Variants in GPC6 observed in about 807,000 individuals in gnomAD.
The protein encoded by GPC6 is glypican-6.
Under a neutral mutation model 55.2 loss-of-function variants are expected in GPC6, and 14 were observed. That is an observed-to-expected ratio of 0.25 (90% confidence interval 0.17 to 0.40). The LOEUF (loss-of-function observed/expected upper bound fraction) is 0.40, where lower values mean the gene tolerates loss of function less well. GPC6 is among the 10% of genes least tolerant of loss of function. The pLI is 1.00. For missense variants in GPC6, 641 were observed against 708.5 expected (o/e 0.90, Z 1.08); for synonymous variants, 278 against 259.6 (o/e 1.07, Z -0.68).
At chr13:93,415,589 T>G (rs1179595499) in intron 1 of GPC6, among the ~76,000 whole-genome samples, 1 of 152,162 alleles carries the variant, frequency 6.6e-6, no homozygotes, top group East Asian at 1.9e-4. Context: ...TTTCAGGTGT[T>G]TGATACAAAT....
intron 4 of GPC6, among the ~76,000 whole-genome samples, chr13:94,061,458 A>C (rs988224737): frequency 6.6e-6 from 1 of 152,184 alleles, no homozygotes; most frequent in East Asian, 1.9e-4. Flanking sequence ...TGGAAGCCAG[A>C]GTTGTGGCTG....
intron 2 of GPC6, among the ~76,000 whole-genome samples, chr13:93,757,658 T>C (rs1413906801): frequency 6.6e-6 from 1 of 152,166 alleles, no homozygotes; most frequent in African/African-American, 2.4e-5. Context: ...AATAATTCCA[T>C]GTCAAATGCT....
intron 2 of GPC6, among the ~76,000 whole-genome samples, chr13:93,733,153 A>G (rs1361481613): frequency 6.6e-6 from 1 of 152,084 alleles, no homozygotes; most frequent in Non-Finnish European, 1.5e-5. Context: ...ATATTTGCTA[A>G]TGGAGGAAAT....
intron 1 of GPC6, among the ~76,000 whole-genome samples, chr13:93,292,691 TA>T (rs1400685812): frequency 6.6e-6 from 1 of 152,202 alleles, no homozygotes; most frequent in Non-Finnish European, 1.5e-5. Context: ...CCTTAGTGAT[TA>T]AAATACACAA....
intron 2 of GPC6, among the ~76,000 whole-genome samples, chr13:93,548,948 A>G (rs1874976145): frequency 6.6e-6 from 1 of 152,066 alleles, no homozygotes; most frequent in Non-Finnish European, 1.5e-5. Flanking sequence ...CTGACAAGGT[A>G]TTTGTTGTTT....
At chr13:94,080,114 C>G (rs1235106255) in intron 4 of GPC6, among the ~76,000 whole-genome samples, 1 of 152,070 alleles carries the variant, frequency 6.6e-6, no homozygotes, top group Non-Finnish European at 1.5e-5. Flanking sequence ...GAAAAGAAAA[C>G]CAGAGACCAG....
At chr13:94,224,185 T>C (rs1477393704) in intron 4 of GPC6, among the ~76,000 whole-genome samples, 1 of 151,636 alleles carries the variant, frequency 6.6e-6, no homozygotes, top group South Asian at 2.1e-4. Flanking sequence ...GCACGAGTTA[T>C]AGTGCTGTTG....
chr13:94,059,107 C>A (rs768085432), intron 4 of GPC6, among the ~76,000 whole-genome samples: 24 of 151,522 alleles, frequency 1.6e-4, no homozygotes, highest in Non-Finnish European at 3.2e-4. Flanking sequence ...AAGGCAAAAT[C>A]TCTTACTCAG....
chr13:94,165,273 C>CATATATATATATATATAT (rs1443482781), intron 4 of GPC6, among the ~76,000 whole-genome samples: 1 of 141,672 alleles, frequency 7.1e-6, no homozygotes, highest in Non-Finnish European at 1.5e-5. Context: ...TATATATATA[C>CATATATATATATATATAT]ACATATATAT....
intron 6 of GPC6, among the ~76,000 whole-genome samples, chr13:94,342,276 G>C (rs1878078826): frequency 6.6e-6 from 1 of 152,218 alleles, no homozygotes; most frequent in Non-Finnish European, 1.5e-5. Context: ...ACCTGCGAAT[G>C]AGACCTTAAT....
chr13:93,656,708 G>A lies in GPC6; in HGVS notation c.319+111287G>A, dbSNP rs1880683894. On this transcript the variant is annotated intron_variant, in intron 2 of 8. Coordinates refer to ENST00000377047, the MANE Select transcript of GPC6 (RefSeq NM_005708.5). The stretch of plus-strand genomic sequence containing the variant: ...CAACCAAATAAGCTCCTAGTGAGAT[G>A]GGTTTTAAAAAATCATTTTTTGTGA... Among the ~76,000 whole-genome samples, 9 of 152,008 alleles carry A rather than the reference G, an allele frequency of 5.9e-5. 1 individual carries two copies. In the South Asian group the frequency reaches 1.9e-3, roughly 32 times the overall value.
chr13:93,697,079 T>G (rs145345041), intron 2 of GPC6, among the ~76,000 whole-genome samples: 199 of 152,270 alleles, frequency 1.3e-3, no homozygotes, highest in African/African-American at 4.6e-3. Context: ...GATTGCTTGA[T>G]GAAATCATCC....
chr13:93,790,926 G>A (rs1403602295), intron 2 of GPC6, among the ~76,000 whole-genome samples: 1 of 152,140 alleles, frequency 6.6e-6, no homozygotes, highest in East Asian at 1.9e-4. Flanking sequence ...CAGGCACAGG[G>A]AACAGCAAAT....
chr13:93,383,732 ATT>A (rs11326667), intron 1 of GPC6, among the ~76,000 whole-genome samples: 25 of 147,470 alleles, frequency 1.7e-4, no homozygotes, highest in Non-Finnish European at 2.3e-4. Context: ...CAAACCAAGA[ATT>A]TTTTTTTTTT....
the GPC6 span, among the ~76,000 whole-genome samples, chr13:93,217,470 G>A: frequency 6.6e-6 from 1 of 152,172 alleles, no homozygotes; most frequent in Non-Finnish European, 1.5e-5. Context: ...AAGTAAAAAT[G>A]AAATTCTGGT....
At chr13:93,495,466 TGAATGTCCTCCCATAGCTCAGAG>T (rs1880225661) in intron 1 of GPC6, among the ~76,000 whole-genome samples, 1 of 132,772 alleles carries the variant, frequency 7.5e-6, no homozygotes, top group Admixed American at 7.8e-5. Flanking sequence ...GCCTTTGGTT[TGAATGTCCTCCCATAGCTCAGAG>T]TAATTTGATC....
At chr13:93,539,990 C>T (rs144966819) in intron 1 of GPC6, among the ~76,000 whole-genome samples, 7 of 152,182 alleles carry the variant, frequency 4.6e-5, no homozygotes, top group South Asian at 2.1e-4. Flanking sequence ...CGTGCCCAGC[C>T]GCTTGGTACT....
chr13:94,375,460 A>C (rs570690975), intron 6 of GPC6, among the ~76,000 whole-genome samples: 15 of 152,144 alleles, frequency 9.9e-5, no homozygotes, highest in African/African-American at 3.6e-4. Context: ...GAAATGGATA[A>C]ATTCCTTGAC....
intron 2 of GPC6, among the ~76,000 whole-genome samples, chr13:93,681,168 G>A (rs1245836806): frequency 6.6e-6 from 1 of 151,996 alleles, no homozygotes; most frequent in Non-Finnish European, 1.5e-5. Context: ...TTAGAGATAA[G>A]GAATAAAAAG....
Sources: allele counts gnomAD v4.1 joint callset (sites outside exome capture counted in the v4.1 genomes callset), GRCh38; gene constraint gnomAD v4.1.1; transcripts MANE v1.5; gene names NCBI Gene and HGNC (gene_info 2026-07-23, HGNC 2026-07-21).